The following ZBTB40 variants were observed in gnomAD, a reference collection of about 807,000 sequenced individuals.
The protein encoded by ZBTB40 is zinc finger and BTB domain-containing protein 40.
In ZBTB40, 60 loss-of-function variants were observed where a neutral mutation model predicts 117.5. The observed-to-expected ratio is 0.51, with a 90% CI of 0.41 to 0.63. The LOEUF (loss-of-function observed/expected upper bound fraction) is 0.63, where lower values mean the gene tolerates loss of function less well. Among genes scored for constraint, ZBTB40 ranks in the 30% least tolerant of loss-of-function variants. ZBTB40 has a pLI of 0.00. For synonymous variants in ZBTB40, 525 were observed against 577.1 expected, an observed-to-expected ratio of 0.91 and a Z score of 1.29; for missense variants, 1,287 against 1,498.5, an observed-to-expected ratio of 0.86 and a Z score of 2.33.
chr1:22,471,847 A>G (rs971679911), intron 1 of ZBTB40, among the ~76,000 whole-genome samples: 11 of 152,166 alleles, frequency 7.2e-5, no homozygotes, highest in African/African-American at 2.4e-4. Context: ...GATACCACAC[A>G]CCACGTAGGC....
At chr1:22,487,319 A>T (rs1002158884) in intron 1 of ZBTB40, among the ~76,000 whole-genome samples, 8 of 152,140 alleles carry the variant, frequency 5.3e-5, no homozygotes, top group African/African-American at 1.9e-4. Flanking sequence ...ATCATCCATA[A>T]TCCTCTAACA....
chr1:22,437,679 C>A (rs141844894), intron 1 of ZBTB40, among the ~76,000 whole-genome samples: 1 of 151,900 alleles, frequency 6.6e-6, no homozygotes, highest in African/African-American at 2.4e-5. Context: ...CTCAGCCTCC[C>A]AAAGCGCTGG....
rs1471619289 is a variant in ZBTB40 at position 22,511,806 on chromosome 1, A to C, written c.2133A>C (p.Gln711His). ...GCCAGCCTGGGGAACAGAATGATCAAGGAGAGACTGGTTCCTTGCCAGGAC... is the reference window on the plus strand; with the variant it reads ...GCCAGCCTGGGGAACAGAATGATCACGGAGAGACTGGTTCCTTGCCAGGAC... ...EDSQPGEQND[Q>H]GETGSLPGQQ... Residue 711 changes from glutamine to histidine, a missense_variant, in exon 11 of 18, where the codon CAA (glutamine) becomes CAC (histidine). Gln to His is a conservative substitution (Grantham distance 24). Coordinates refer to ENST00000375647, the MANE Select transcript of ZBTB40 (RefSeq NM_014870.4). 3 of 1,613,960 alleles carry C rather than the reference A, an allele frequency of 1.9e-6. No individual in the cohort carries two copies. In the South Asian group the frequency reaches 3.3e-5, roughly 18 times the overall value.
At chr1:22,511,125 G>A in intron 9 of ZBTB40, 54 bp from the exon 10 acceptor site, 4 of 1,526,846 alleles carry the variant, frequency 2.6e-6, no homozygotes, top group Non-Finnish European at 3.6e-6. Flanking sequence ...TGAAAACCAT[G>A]GGGAAAATCT....
Position 22,521,601 on chromosome 1 carries a change from G to A in ZBTB40, c.3154G>A (p.Asp1052Asn). ...KFSSLQCSSC[D>N]KTFPNTIEHK... ...CTCATCACTCCAGTGCAGCTCCTGTGACAAAACCTTCCCCAACACCATTGA... is the reference window on the plus strand; with the variant it reads ...CTCATCACTCCAGTGCAGCTCCTGTAACAAAACCTTCCCCAACACCATTGA... Residue 1052 changes from aspartate to asparagine, a missense_variant, in exon 15 of 18, where the codon GAC (aspartate) becomes AAC (asparagine). This residue lies in a region of ZBTB40 where 417 missense variants were observed against 564.1 expected (regional missense o/e 0.74). Coordinates refer to ENST00000375647, the MANE Select transcript of ZBTB40 (RefSeq NM_014870.4). The A allele has an allele frequency of 1.2e-6, 2 of 1,614,194 alleles. No homozygotes were observed. The highest frequency in any genetic ancestry group is 8.5e-7 in the Non-Finnish European group (1 of 1,180,050).
chr1:22,476,126 T>G (rs895944772), intron 1 of ZBTB40, among the ~76,000 whole-genome samples: 1 of 152,340 alleles, frequency 6.6e-6, no homozygotes, highest in Middle Eastern at 3.4e-3. Context: ...TCCTCCCTAT[T>G]CATTAAAGGG....
At chr1:22,517,155 C>T (rs1639393709) in intron 12 of ZBTB40, 145 bp from the exon 13 acceptor site, 1 of 1,149,280 alleles carries the variant, frequency 8.7e-7, no homozygotes, top group African/African-American at 1.5e-5. Flanking sequence ...GCTCAGATCT[C>T]ACCCAGCGTA....
intron 3 of ZBTB40, among the ~76,000 whole-genome samples, chr1:22,497,361 T>G (rs1044550925): frequency 6.6e-6 from 1 of 152,180 alleles, no homozygotes; most frequent in African/African-American, 2.4e-5. Flanking sequence ...CTTTGGAGGT[T>G]TGTCAAATGC....
At chr1:22,506,809 A>G (rs1044199077) in intron 6 of ZBTB40, among the ~76,000 whole-genome samples, 1 of 152,244 alleles carries the variant, frequency 6.6e-6, no homozygotes, top group East Asian at 1.9e-4. Context: ...CTATAAAAGT[A>G]GTATGTACTT....
intron 1 of ZBTB40, among the ~76,000 whole-genome samples, chr1:22,453,771 C>T (rs1640940037): frequency 6.6e-6 from 1 of 152,086 alleles, no homozygotes; most frequent in Admixed American, 6.5e-5. Flanking sequence ...CACTGAACAC[C>T]CTGTATTGTT....
chr1:22,468,088 CAAA>C (rs200373661), intron 1 of ZBTB40, among the ~76,000 whole-genome samples: 4 of 105,866 alleles, frequency 3.8e-5, no homozygotes, highest in Admixed American at 2.0e-4. Flanking sequence ...GACCCCATCT[CAAA>C]AAAAAAAAAA....
chr1:22,511,650 A>G (rs1358299608), intron 10 of ZBTB40, 26 bp from the exon 11 acceptor site: 1 of 1,608,436 alleles, frequency 6.2e-7, no homozygotes, highest in African/African-American at 1.3e-5. Flanking sequence ...GAGTTCGCAG[A>G]GCCACGAGAT....
At chr1:22,477,891 T>C (rs1641589730) in intron 1 of ZBTB40, among the ~76,000 whole-genome samples, 1 of 152,216 alleles carries the variant, frequency 6.6e-6, no homozygotes, top group African/African-American at 2.4e-5. Flanking sequence ...CTTGCCTTCC[T>C]TCTTCCCCTT....
chr1:22,487,246 A>G (rs1638496478), intron 1 of ZBTB40, among the ~76,000 whole-genome samples: 1 of 152,144 alleles, frequency 6.6e-6, no homozygotes, highest in Admixed American at 6.5e-5. Flanking sequence ...AAATATTTTT[A>G]TTTATATTTT....
chr1:22,453,327 C>G (rs987890287), intron 1 of ZBTB40, among the ~76,000 whole-genome samples: 2 of 152,172 alleles, frequency 1.3e-5, no homozygotes, highest in East Asian at 3.9e-4. Flanking sequence ...TCAGAACACC[C>G]CATGCATGTA....
intron 1 of ZBTB40, among the ~76,000 whole-genome samples, chr1:22,477,446 C>T (rs963108575): frequency 6.6e-5 from 10 of 151,936 alleles, no homozygotes; most frequent in Non-Finnish European, 8.8e-5. Context: ...GTCAAGAGAT[C>T]GAGACCATCC....
chr1:22,525,463 T>G (rs2124477494), intron 17 of ZBTB40, among the ~76,000 whole-genome samples: 1 of 152,268 alleles, frequency 6.6e-6, no homozygotes, highest in South Asian at 2.1e-4. Context: ...GCCTCTAGTT[T>G]AAAAATATCA....
intron 1 of ZBTB40, among the ~76,000 whole-genome samples, chr1:22,443,541 G>A (rs1640756523): frequency 6.6e-6 from 1 of 152,184 alleles, no homozygotes; most frequent in African/African-American, 2.4e-5. Flanking sequence ...AGTTGTTCTT[G>A]TTATGCACAT....
At position 22,513,208 on chromosome 1, in the gene ZBTB40, A is replaced by G. The variant is rs1639289671; in HGVS notation, c.2668+78A>G. 1.3e-6 allele frequency: 2 copies of G among 1,497,236 alleles called. No homozygotes were observed. Among genetic ancestry groups the G allele is most frequent in the Non-Finnish European group, 1.8e-6 (2 of 1,098,922 alleles). 92.7% of individuals were successfully genotyped at this position (1,497,236 alleles called of 1,614,324 possible). On this transcript the variant is annotated intron_variant, in intron 12 of 17. Transcript: ENST00000375647. The surrounding 1 kb of genome is among the most constrained non-coding windows in gnomAD (Gnocchi z 4.9). The stretch of plus-strand genomic sequence containing the variant: ...AAACCCCATTTGGATTAGGTGTGAT[A>G]TATATCTCAAAAACAAAACAATTTG...
Sources: allele counts gnomAD v4.1 joint callset (sites outside exome capture counted in the v4.1 genomes callset), GRCh38; gene constraint gnomAD v4.1.1; regional missense constraint gnomAD v4.1.1; non-coding constraint Gnocchi (gnomAD v3.1); transcripts MANE v1.5; gene names NCBI Gene and HGNC (gene_info 2026-07-23, HGNC 2026-07-21).